Variants in NR3C2 observed in about 807,000 individuals in gnomAD.
NR3C2 encodes the protein mineralocorticoid receptor.
In NR3C2, 15 loss-of-function variants were observed where a neutral mutation model predicts 86.4. The ratio of observed to expected loss-of-function variants is 0.17; its 90% CI spans 0.12 to 0.27. The LOEUF is 0.27. NR3C2 is among the 10% of genes least tolerant of loss of function. NR3C2 has a pLI of 1.00. For missense variants in NR3C2, 960 were observed against 1,195.6 expected (o/e 0.80, Z 2.91); for synonymous variants, 458 against 450.5 (o/e 1.02, Z -0.21).
intron 4 of NR3C2, among the ~76,000 whole-genome samples, chr4:148,193,056 A>G (rs1180305424): frequency 6.6e-6 from 1 of 152,102 alleles, no homozygotes; most frequent in Non-Finnish European, 1.5e-5. Context: ...CTCCTTGTGG[A>G]GTTTTACCCC....
At chr4:148,394,835 G>A (rs1354494561) in intron 2 of NR3C2, among the ~76,000 whole-genome samples, 1 of 152,186 alleles carries the variant, frequency 6.6e-6, no homozygotes, top group Non-Finnish European at 1.5e-5. Flanking sequence ...TTACTTGAAA[G>A]ATGGAAATGA....
chr4:148,241,581 G>A (rs961988200), intron 3 of NR3C2, among the ~76,000 whole-genome samples: 6 of 151,980 alleles, frequency 3.9e-5, no homozygotes, highest in Admixed American at 1.3e-4. Context: ...TTCCAACTGG[G>A]CCTCTCCAGA....
At chr4:148,291,898 T>A (rs892037399) in intron 2 of NR3C2, among the ~76,000 whole-genome samples, 3 of 152,108 alleles carry the variant, frequency 2.0e-5, no homozygotes, top group Non-Finnish European at 4.4e-5. Flanking sequence ...ACACTTACAT[T>A]AGCCTACAGG....
intron 4 of NR3C2, among the ~76,000 whole-genome samples, chr4:148,177,321 C>T (rs751399498): frequency 3.3e-5 from 5 of 152,180 alleles, no homozygotes; most frequent in Admixed American, 6.5e-5. Flanking sequence ...GAAAAATCAT[C>T]ATCTGAAAAG....
At chr4:148,312,081 CTTTG>C (rs371858409) in intron 2 of NR3C2, among the ~76,000 whole-genome samples, 2 of 151,560 alleles carry the variant, frequency 1.3e-5, no homozygotes, top group African/African-American at 4.9e-5. Context: ...TCACATTTTA[CTTTG>C]TTTATTGTGT....
intron 2 of NR3C2, among the ~76,000 whole-genome samples, chr4:148,352,047 T>C (rs1745308021): frequency 6.6e-6 from 1 of 152,208 alleles, no homozygotes. Context: ...ATATAGGTTT[T>C]TAATTTTCTA....
intron 2 of NR3C2, among the ~76,000 whole-genome samples, chr4:148,354,636 G>T (rs1745462716): frequency 6.6e-6 from 1 of 152,038 alleles, no homozygotes; most frequent in Non-Finnish European, 1.5e-5. Context: ...GCCTGTACTA[G>T]ATAGATATTC....
At chr4:148,116,662 C>T (rs536705961) in intron 7 of NR3C2, among the ~76,000 whole-genome samples, 3 of 151,898 alleles carry the variant, frequency 2.0e-5, no homozygotes, top group Admixed American at 6.6e-5. Flanking sequence ...TTTTATGGTT[C>T]ATAAAATGCT....
intron 7 of NR3C2, among the ~76,000 whole-genome samples, chr4:148,115,394 T>G (rs1405537651): frequency 6.6e-6 from 1 of 152,216 alleles, no homozygotes; most frequent in East Asian, 1.9e-4. Flanking sequence ...TAACACTGAA[T>G]AAGAAAATCA....
intron 3 of NR3C2, among the ~76,000 whole-genome samples, chr4:148,239,765 A>G (rs1374762815): frequency 6.6e-6 from 1 of 152,198 alleles, no homozygotes. Flanking sequence ...AGAAAACACC[A>G]TGTGAAAAAT....
intron 3 of NR3C2, among the ~76,000 whole-genome samples, chr4:148,205,431 C>A (rs1488668228): frequency 6.6e-6 from 1 of 151,216 alleles, no homozygotes; most frequent in Non-Finnish European, 1.5e-5. Flanking sequence ...TTCCTTCCCC[C>A]AAGGCAAACC....
chr4:148,445,095 C>T (rs1750516684), upstream of NR3C2: 1 of 703,722 alleles, frequency 1.4e-6, no homozygotes, highest in Middle Eastern at 7.1e-4. Context: ...CGGCAGCCGC[C>T]CTCCCACTAC....
intron 2 of NR3C2, among the ~76,000 whole-genome samples, chr4:148,346,407 G>A (rs1744993825): frequency 6.6e-6 from 1 of 152,060 alleles, no homozygotes; most frequent in African/African-American, 2.4e-5. Flanking sequence ...AACACTGGAG[G>A]ATGAGCAGGC....
intron 2 of NR3C2, among the ~76,000 whole-genome samples, chr4:148,296,789 A>T (rs1742075537): frequency 6.6e-6 from 1 of 152,212 alleles, no homozygotes. Flanking sequence ...ATAACTTCAC[A>T]ATACTCAGGA....
chr4:148,127,651 T>C (rs551943681), intron 6 of NR3C2, among the ~76,000 whole-genome samples: 10 of 152,376 alleles, frequency 6.6e-5, no homozygotes, highest in African/African-American at 2.4e-4. Context: ...CAGCCATTTC[T>C]AAATATCTTC....
At chr4:148,318,864 G>C (rs1229579183) in intron 2 of NR3C2, among the ~76,000 whole-genome samples, 1 of 150,408 alleles carries the variant, frequency 6.6e-6, no homozygotes, top group Non-Finnish European at 1.5e-5. Context: ...TTGCTGTGCA[G>C]AAGCTCTTTA....
intron 3 of NR3C2, among the ~76,000 whole-genome samples, chr4:148,239,062 C>T (rs925995100): frequency 2.0e-4 from 31 of 152,102 alleles, no homozygotes; most frequent in African/African-American, 7.0e-4. Context: ...GAAGAATAGA[C>T]GTAGAGGCAT....
intron 2 of NR3C2, among the ~76,000 whole-genome samples, chr4:148,309,802 T>A (rs536188713): frequency 9.9e-5 from 15 of 151,796 alleles, no homozygotes; most frequent in Admixed American, 2.6e-4. Flanking sequence ...AGTAGCCATG[T>A]AGTACGTAAA....
intron 2 of NR3C2, among the ~76,000 whole-genome samples, chr4:148,323,203 T>C (rs1161939931): frequency 1.7e-5 from 2 of 117,862 alleles, no homozygotes. Flanking sequence ...GGGTCAGGGG[T>C]CAGGGACCCA....
Sources: allele counts gnomAD v4.1 joint callset (sites outside exome capture counted in the v4.1 genomes callset), GRCh38; gene constraint gnomAD v4.1.1; transcripts MANE v1.5; gene names NCBI Gene and HGNC (gene_info 2026-07-23, HGNC 2026-07-21).